LPP: variants seen among roughly 807,000 people sequenced by gnomAD.
LPP encodes the protein lipoma-preferred partner.
LPP carries 38 observed loss-of-function variants against 60.4 expected under a neutral mutation model. That is an observed-to-expected ratio of 0.63 (90% CI 0.49 to 0.83). LPP has a LOEUF of 0.83. LPP is among the 40% of genes least tolerant of loss of function. The pLI, the probability that LPP is intolerant of heterozygous loss-of-function variation, is 0.00. For missense variants in LPP, 902 were observed against 783.6 expected (o/e 1.15, Z -1.80); for synonymous variants, 328 against 290.8 (o/e 1.13, Z -1.30).
intron 8 of LPP, among the ~76,000 whole-genome samples, chr3:188,730,119 A>G (rs1719901924): frequency 6.6e-6 from 1 of 152,216 alleles, no homozygotes; most frequent in Admixed American, 6.5e-5. Context: ...AAATTAGTAG[A>G]TCTTTAGAAA....
rs924636612 is a variant in LPP, at chr3:188,352,457, T to G, written c.-10+10738T>G. ...CTGTTGATGTGGTCACGTCAGTGCC[T>G]CTTCGGGAGCTGTGTGACTGGCGAG... On this transcript the variant is annotated intron_variant, in intron 3 of 11. Transcript: ENST00000617246. The surrounding 1 kb of genome is among the most constrained non-coding windows in gnomAD (Gnocchi z 4.4). Among the ~76,000 whole-genome samples the G allele has an allele frequency of 9.2e-5, 14 of 152,188 alleles. No homozygotes were observed. The highest frequency in any genetic ancestry group is 1.3e-4 in the Admixed American group (2 of 15,282).
intron 2 of LPP, chr3:188,240,281 A>G (rs561298117): frequency 1.8e-5 from 3 of 169,940 alleles, no homozygotes; most frequent in South Asian, 2.0e-4. Context: ...ATGGGTAGGA[A>G]TAGCTTACAG....
At chr3:188,507,880 A>G (rs1312243820) in intron 5 of LPP, among the ~76,000 whole-genome samples, 1 of 152,206 alleles carries the variant, frequency 6.6e-6, no homozygotes, top group Non-Finnish European at 1.5e-5. Context: ...TGACTGCTTT[A>G]TAGCTACTCC....
intron 5 of LPP, among the ~76,000 whole-genome samples, chr3:188,495,833 G>T (rs978815369): frequency 6.6e-6 from 1 of 152,066 alleles, no homozygotes; most frequent in Non-Finnish European, 1.5e-5. Context: ...GGAGTGAAAG[G>T]GAGTAGAGGA....
intron 8 of LPP, among the ~76,000 whole-genome samples, chr3:188,753,853 C>T (rs926218443): frequency 6.6e-6 from 1 of 151,946 alleles, no homozygotes; most frequent in Non-Finnish European, 1.5e-5. Flanking sequence ...ACCTTTCCCC[C>T]ACTAGCCACG....
At chr3:188,428,596 A>T (rs145678462) in intron 4 of LPP, among the ~76,000 whole-genome samples, 31,874 of 142,366 alleles carry the variant, frequency 0.22, 4,030 homozygotes, top group South Asian at 0.38. Flanking sequence ...ATATATATAT[A>T]TTTTTTTTTT....
At chr3:188,637,810 C>T (rs899707227) in intron 7 of LPP, among the ~76,000 whole-genome samples, 3 of 152,066 alleles carry the variant, frequency 2.0e-5, no homozygotes, top group African/African-American at 7.2e-5. Context: ...CAAGACTAAA[C>T]CAGGAAGAAG....
chr3:188,713,724 A>G (rs926349613), intron 8 of LPP, among the ~76,000 whole-genome samples: 2 of 152,180 alleles, frequency 1.3e-5, no homozygotes, highest in Admixed American at 6.5e-5. Context: ...TAGAGATGCT[A>G]TAACTGCAAC....
intron 3 of LPP, among the ~76,000 whole-genome samples, chr3:188,399,155 AC>A (rs1226107756): frequency 1.3e-5 from 2 of 152,222 alleles, no homozygotes; most frequent in Non-Finnish European, 2.9e-5. Flanking sequence ...AACGGAAGTT[AC>A]ACAGTGGGCT....
At chr3:188,865,614 G>A (rs941448240) in intron 9 of LPP, among the ~76,000 whole-genome samples, 2 of 152,072 alleles carry the variant, frequency 1.3e-5, no homozygotes, top group Non-Finnish European at 2.9e-5. Flanking sequence ...TTCCTCAATC[G>A]GTGAACCAGA....
intron 2 of LPP, among the ~76,000 whole-genome samples, chr3:188,251,740 T>G (rs1202630448): frequency 6.6e-6 from 1 of 152,022 alleles, no homozygotes; most frequent in Non-Finnish European, 1.5e-5. Flanking sequence ...AGGGATTACC[T>G]GGATTAGTTC....
Position 188,815,291 on chromosome 3 carries a change from A to G in LPP, c.1411-50909A>G, listed in dbSNP as rs58661607. Among the ~76,000 whole-genome samples the G allele has an allele frequency of 8.2e-3, 1,243 of 152,324 alleles. 15 individuals are homozygous for G. Among genetic ancestry groups the G allele is most frequent in the African/African-American group, 0.028 (1,175 of 41,578 alleles). ...CCTGGATAACTTTTCTGGCATTTCA[A>G]TGAACACACCAATACAATACAAGCA... On this transcript the variant is annotated intron_variant, in intron 9 of 11. Transcript: ENST00000617246.
intron 1 of LPP, among the ~76,000 whole-genome samples, chr3:188,201,614 G>A (rs1281245338): frequency 3.3e-5 from 5 of 152,154 alleles, no homozygotes; most frequent in African/African-American, 4.8e-5. Flanking sequence ...GGCTGAGGCA[G>A]GAGAGTGGCC....
At chr3:188,722,100 A>G (rs1256106986) in intron 8 of LPP, among the ~76,000 whole-genome samples, 1 of 152,160 alleles carries the variant, frequency 6.6e-6, no homozygotes, top group Non-Finnish European at 1.5e-5. Context: ...AGATCACTTT[A>G]TGCTCTGCTT....
chr3:188,788,697 G>A (rs1742679706), intron 9 of LPP, among the ~76,000 whole-genome samples: 1 of 152,126 alleles, frequency 6.6e-6, no homozygotes. Flanking sequence ...ACTGACTACA[G>A]AACCCTTTGT....
At position 188,288,831 on chromosome 3, in the gene LPP, A is replaced by ACC. The variant is rs199604800; in HGVS notation, c.-66-52826_-66-52825dup. ...TCTCCACCCCCCACCCCCCACCCCCACCCCCCCGCCCCTCTAGCTAGCAAC... is the reference window on the plus strand; with the variant it reads ...TCTCCACCCCCCACCCCCCACCCCCACCCCCCCCCGCCCCTCTAGCTAGCAAC... On this transcript the variant is annotated intron_variant, in intron 2 of 11. Coordinates refer to ENST00000617246, the MANE Select transcript of LPP (RefSeq NM_001375462.1). 6.5e-3 allele frequency among the ~76,000 whole-genome samples: 519 copies of ACC among 79,644 alleles called. 12 individuals are homozygous for ACC. The highest frequency in any genetic ancestry group is 0.019 in the African/African-American group (348 of 18,514). 52.2% of individuals were successfully genotyped at this position (79,644 alleles called of 152,430 possible). A position where few individuals can be genotyped will look rare whatever the true frequency, so the allele number is the denominator to read the frequency against.
At chr3:188,269,222 C>T (rs1312606619) in intron 2 of LPP, among the ~76,000 whole-genome samples, 6 of 152,196 alleles carry the variant, frequency 3.9e-5, no homozygotes, top group Non-Finnish European at 5.9e-5. Context: ...GCTGTTCCTT[C>T]TACTTCCTTT....
Position 188,882,011 on chromosome 3 carries a change from C to T in LPP, c.*7532C>T, listed in dbSNP as rs971916628. The T allele has an allele frequency of 1.9e-5, 4 of 212,012 alleles. No individual in the cohort carries two copies. Among genetic ancestry groups the T allele is most frequent in the African/African-American group, 4.5e-5 (2 of 44,200 alleles). 13.1% of individuals were successfully genotyped at this position (212,012 alleles called of 1,614,324 possible). A position where few individuals can be genotyped will look rare whatever the true frequency, so the allele number is the denominator to read the frequency against. On this transcript the variant is annotated 3_prime_UTR_variant, in exon 12 of 12. Coordinates refer to ENST00000617246, the MANE Select transcript of LPP (RefSeq NM_001375462.1). ...TCTTTTCTTTTTGTTCTCCCAACAT[C>T]CTTATCTCTTACTCAGCTCTTCAAT...
intron 1 of LPP, among the ~76,000 whole-genome samples, chr3:188,166,751 T>A (rs1442814162): frequency 2.0e-5 from 3 of 152,224 alleles, no homozygotes; most frequent in Non-Finnish European, 4.4e-5. Flanking sequence ...CATATTCATA[T>A]CCACAGCATC....
Sources: allele counts gnomAD v4.1 joint callset (sites outside exome capture counted in the v4.1 genomes callset), GRCh38; gene constraint gnomAD v4.1.1; non-coding constraint Gnocchi (gnomAD v3.1); transcripts MANE v1.5; gene names NCBI Gene and HGNC (gene_info 2026-07-23, HGNC 2026-07-21).